PDXDC1: variants seen among roughly 807,000 people sequenced by gnomAD.
The protein encoded by PDXDC1 is pyridoxal dependent decarboxylase domain containing 1, also known as pyridoxal-dependent decarboxylase domain-containing protein 1.
PDXDC1 carries 42 observed loss-of-function variants against 100.1 expected under a neutral mutation model. The ratio of observed to expected loss-of-function variants is 0.42; its 90% CI spans 0.33 to 0.54. PDXDC1 has a LOEUF of 0.54. Ranked by LOEUF, PDXDC1 falls within the 20% of genes least tolerant of loss-of-function variation. The pLI, the probability that PDXDC1 is intolerant of heterozygous loss-of-function variation, is 0.10. For missense variants in PDXDC1, 636 were observed against 979.2 expected (o/e 0.65, Z 4.68); for synonymous variants, 260 against 371.7 (o/e 0.70, Z 3.46).
chr16:15,034,201 A>C, intron 19 of PDXDC1, 85 bp from the exon 20 acceptor site: 1 of 1,161,434 alleles, frequency 8.6e-7, no homozygotes, highest in Non-Finnish European at 1.3e-6. Flanking sequence ...GCTTTTGAAA[A>C]ATTCCCTCAG....
At chr16:15,130,493 C>T (rs763405882) in intron 16 of PDXDC1, 63 of 1,379,888 alleles carry the variant, frequency 4.6e-5, no homozygotes, top group Middle Eastern at 2.5e-4. Context: ...GCCCAGGCTC[C>T]GCCAGGTTGG....
At chr16:14,998,982 G>A (rs1427963241) in intron 3 of PDXDC1, among the ~76,000 whole-genome samples, 1 of 152,280 alleles carries the variant, frequency 6.6e-6, no homozygotes, top group Non-Finnish European at 1.5e-5. Flanking sequence ...CACTTTGGGA[G>A]GCCAAGGACA....
At chr16:15,035,941 T>C (rs1186002638) in intron 22 of PDXDC1, 75 bp from the exon 23 acceptor site, 6 of 1,418,182 alleles carry the variant, frequency 4.2e-6, no homozygotes, top group Non-Finnish European at 4.8e-6. Flanking sequence ...AAAGCAATTA[T>C]CTGTTGCAGA....
intron 16 of PDXDC1, among the ~76,000 whole-genome samples, chr16:15,120,894 T>G (rs74517347): frequency 1.0e-4 from 1 of 9,584 alleles, no homozygotes; most frequent in Non-Finnish European, 1.7e-4. Context: ...ACCTGGGAGG[T>G]AGAGGTTGCA....
chr16:15,062,532 A>G (rs2044755670), intron 16 of PDXDC1, among the ~76,000 whole-genome samples: 1 of 152,198 alleles, frequency 6.6e-6, no homozygotes, highest in Admixed American at 6.5e-5. Context: ...TTTCCTCTCT[A>G]ACTGTAACTG....
intron 16 of PDXDC1, among the ~76,000 whole-genome samples, chr16:15,098,677 G>A (rs1315386585): frequency 1.3e-5 from 2 of 151,636 alleles, no homozygotes; most frequent in African/African-American, 2.4e-5. Context: ...TCGGGAGTTC[G>A]AGACCAGCCT....
chr16:14,976,195 T>C (rs1225868520), intron 1 of PDXDC1, among the ~76,000 whole-genome samples: 5 of 152,288 alleles, frequency 3.3e-5, no homozygotes, highest in African/African-American at 1.2e-4. Flanking sequence ...TTCTGTCTGT[T>C]CCAGCTTGGG....
intron 16 of PDXDC1, among the ~76,000 whole-genome samples, chr16:15,092,037 G>C (rs1567229622): frequency 6.6e-6 from 1 of 152,158 alleles, no homozygotes; most frequent in Non-Finnish European, 1.5e-5. Flanking sequence ...AAATTAGCCA[G>C]GTGTGGTGGT....
intron 16 of PDXDC1, chr16:15,133,362 G>A (rs1182372606): frequency 1.9e-6 from 2 of 1,071,358 alleles, no homozygotes; most frequent in Admixed American, 1.8e-5. Context: ...GTGAGCCCGT[G>A]CAGCCAGACT....
At chr16:15,041,917 G>A (rs977283686), downstream of PDXDC1, among the ~76,000 whole-genome samples, 14 of 152,184 alleles carry the variant, frequency 9.2e-5, no homozygotes, top group Non-Finnish European at 1.5e-4. Context: ...AGCCTGGGCT[G>A]AGCCTTCCCA....
chr16:15,042,633 C>T (rs1364451180), downstream of PDXDC1, among the ~76,000 whole-genome samples: 1 of 152,212 alleles, frequency 6.6e-6, no homozygotes, highest in Non-Finnish European at 1.5e-5. Flanking sequence ...TACCGCTCAT[C>T]TTCAGGTTCA....
At chr16:15,077,408 A>T (rs2966186) in intron 16 of PDXDC1, among the ~76,000 whole-genome samples, 1 of 151,724 alleles carries the variant, frequency 6.6e-6, no homozygotes, top group Non-Finnish European at 1.5e-5. Flanking sequence ...ATAAGTCTCA[A>T]GAGATCTGAT....
chr16:15,024,035 G>A (rs1197029449), intron 13 of PDXDC1, among the ~76,000 whole-genome samples: 1 of 152,278 alleles, frequency 6.6e-6, no homozygotes, highest in Non-Finnish European at 1.5e-5. Flanking sequence ...AGCGCACTTG[G>A]CTTTTCCTCA....
chr16:15,037,558 A>T lies in PDXDC1; in HGVS notation c.*1283A>T, dbSNP rs2043543746. 1.3e-5 allele frequency: 2 copies of T among 153,444 alleles called. No individual in the cohort carries two copies. Among genetic ancestry groups the T allele is most frequent in the Admixed American group, 1.3e-4 (2 of 15,364 alleles). The allele number at this position is 153,444 out of a possible 1,614,324, so 9.5% of individuals were successfully genotyped here. On this transcript the variant is annotated 3_prime_UTR_variant, in exon 23 of 23. Coordinates refer to ENST00000396410, the MANE Select transcript of PDXDC1 (RefSeq NM_015027.4). ...ATAGCAGATAAAATGGGGGAGGGGTAAATTATCACCTTCAAGAAAATTACA... is the reference window on the plus strand; with the variant it reads ...ATAGCAGATAAAATGGGGGAGGGGTTAATTATCACCTTCAAGAAAATTACA...
chr16:15,055,226 G>T (rs1310111139), intron 16 of PDXDC1, among the ~76,000 whole-genome samples: 1 of 152,150 alleles, frequency 6.6e-6, no homozygotes, highest in Non-Finnish European at 1.5e-5. Flanking sequence ...AACAGTCCCT[G>T]CATAAGCGTG....
chr16:15,014,170 G>A (rs1457896865), intron 8 of PDXDC1, among the ~76,000 whole-genome samples: 2 of 150,818 alleles, frequency 1.3e-5, no homozygotes, highest in East Asian at 3.9e-4. Flanking sequence ...TTGCGCTGCT[G>A]CACTCCGGCC....
intron 16 of PDXDC1, chr16:15,125,499 TC>T: frequency 7.4e-7 from 1 of 1,342,722 alleles, no homozygotes; most frequent in Non-Finnish European, 1.1e-6. Context: ...CCCCCGGTAC[TC>T]CAGACACAGT....
At chr16:15,055,981 G>T (rs917717457) in intron 16 of PDXDC1, 19 of 1,215,700 alleles carry the variant, frequency 1.6e-5, no homozygotes, top group South Asian at 4.1e-5. Flanking sequence ...TCGCGGAGGC[G>T]GCCGCCCAGG....
Position 15,033,394 on chromosome 16 carries a change from T to G in PDXDC1, c.1807T>G (p.Ser603Ala), listed in dbSNP as rs1157025185. The change falls in exon 19 of 23, where the codon TCG (serine) becomes GCG (alanine). Residue 603 changes from serine to alanine, a missense_variant. This residue lies in a region of PDXDC1 where 452 missense variants were observed against 402.9 expected (regional missense o/e 1.12). Coordinates refer to ENST00000396410, the MANE Select transcript of PDXDC1 (RefSeq NM_015027.4). ...AATAREIEEN[S>A]RLLENMTEVV... Reference sequence around the variant, plus strand: ...CACAGCCCGGGAGATAGAGGAGAACTCGAGGGTCCGTAGCACCCATCAGTG... The same window carrying G: ...CACAGCCCGGGAGATAGAGGAGAACGCGAGGGTCCGTAGCACCCATCAGTG... 3.1e-6 allele frequency: 5 copies of G among 1,614,052 alleles called. No homozygotes were observed. In the South Asian group the frequency reaches 5.5e-5, roughly 18 times the overall value.
Sources: gnomAD v4.1 joint callset for allele counts (sites outside exome capture counted in the v4.1 genomes callset) on GRCh38, gnomAD v4.1.1 for gene constraint, gnomAD v4.1.1 regional missense constraint, MANE v1.5 for transcripts, NCBI Gene and HGNC (gene_info 2026-07-23, HGNC 2026-07-21) for gene names.